The following TAC4 variants were observed in gnomAD, a reference collection of about 807,000 sequenced individuals.
The protein encoded by TAC4 is tachykinin precursor 4.
Under a neutral mutation model 17.7 loss-of-function variants are expected in TAC4, and 17 were observed. The observed-to-expected ratio is 0.96, with a 90% CI of 0.66 to 1.44. TAC4 has a LOEUF of 1.44. TAC4 is among the 40% of genes most tolerant of loss of function. The pLI is 0.00. For missense variants in TAC4, 118 were observed against 125.6 expected (o/e 0.94, Z 0.29); for synonymous variants, 62 against 52.4 (o/e 1.18, Z -0.79).
chr17:49,841,040 G>A (rs1056834914), intron 3 of TAC4, among the ~76,000 whole-genome samples: 5 of 150,354 alleles, frequency 3.3e-5, no homozygotes, highest in Admixed American at 6.6e-5. Context: ...CCACTACACC[G>A]GGCTAATGTT....
chr17:49,844,507 C>T (rs1433721995), intron 1 of TAC4, among the ~76,000 whole-genome samples: 3 of 151,640 alleles, frequency 2.0e-5, no homozygotes, highest in South Asian at 2.1e-4. Flanking sequence ...CCTGTAATCC[C>T]GGCACTCTGG....
chr17:49,842,893 A>G (rs2074509299), intron 2 of TAC4, among the ~76,000 whole-genome samples: 1 of 152,104 alleles, frequency 6.6e-6, no homozygotes. Flanking sequence ...GCTTTTTCCC[A>G]CTTAACCATG....
Position 49,839,900 on chromosome 17 carries a change from A to G in TAC4, c.242T>C (p.Leu81Pro). The change falls in exon 4 of 5, where the codon CTG becomes CCG. Residue 81 changes from leucine (L) to proline (P), a missense_variant. Physicochemically the swap from Leu to Pro is moderately conservative, Grantham distance 98 (BLOSUM62 -3). Coordinates refer to ENST00000436235, the MANE Select transcript of TAC4 (RefSeq NM_001077506.2). ...CAGGAGGCCCTGGAACGTGTGTTCC[A>G]GCTGATATGCTGGTGGTGGGAGAGA... ...IQPRRKKAYQ[L>P]EHTFQGLLGK... 1 of 1,612,110 alleles carries G rather than the reference A, an allele frequency of 6.2e-7. No individual in the cohort carries two copies. Among genetic ancestry groups the G allele is most frequent in the Non-Finnish European group, 8.5e-7 (1 of 1,179,132 alleles).
chr17:49,846,098 T>C, intron 1 of TAC4: 1 of 707,702 alleles, frequency 1.4e-6, no homozygotes, highest in Non-Finnish European at 2.0e-6. Context: ...TTTCTGTGCC[T>C]GGTGGGGGGG....
intron 3 of TAC4, 68 bp downstream of exon 3, chr17:49,841,484 T>G (rs752266099): frequency 4.1e-6 from 6 of 1,470,014 alleles, no homozygotes; most frequent in African/African-American, 1.5e-5. Context: ...CCACCTGGTT[T>G]GTTTGTGCTG....
chr17:49,845,433 A>G (rs2074530601), intron 1 of TAC4, among the ~76,000 whole-genome samples: 2 of 152,178 alleles, frequency 1.3e-5, no homozygotes, highest in South Asian at 4.1e-4. Context: ...TAGTTGAGAG[A>G]GTGACAGTGG....
chr17:49,842,932 A>G (rs554091178), intron 2 of TAC4, among the ~76,000 whole-genome samples: 16 of 152,272 alleles, frequency 1.1e-4, no homozygotes, highest in Non-Finnish European at 2.1e-4. Context: ...ACATCTTTCT[A>G]TGGGTCTGCC....
Position 49,838,617 on chromosome 17 carries a change from T to C in TAC4, c.*25A>G. 1 of 1,613,658 alleles carries C rather than the reference T, an allele frequency of 6.2e-7. No individual in the cohort carries two copies. Among genetic ancestry groups the C allele is most frequent in the Non-Finnish European group, 8.5e-7 (1 of 1,179,828 alleles). The stretch of plus-strand genomic sequence containing the variant: ...GGTAGGAAGAAGCGGCACCGTGTCC[T>C]CTGGGAAGTCTGTGGTGGGGGCTTT... On this transcript the variant is annotated 3_prime_UTR_variant, in exon 5 of 5. Transcript: ENST00000436235.
chr17:49,847,696 C>CACACACACACACACACAG (rs1210713026), intron 1 of TAC4: 37 of 264,914 alleles, frequency 1.4e-4, no homozygotes, highest in Non-Finnish European at 2.1e-4. Context: ...CACACAGACA[C>CACACACACACACACACAG]ACACACACAC....
At chr17:49,846,214 G>A (rs781311903) in intron 1 of TAC4, 117 of 1,288,922 alleles carry the variant, frequency 9.1e-5, no homozygotes, top group Admixed American at 5.1e-4. Context: ...GATGACTACA[G>A]GTTGGGGGAG....
chr17:49,847,696 C>CACACACACACACACAG, intron 1 of TAC4: 1 of 264,908 alleles, frequency 3.8e-6, no homozygotes, highest in Non-Finnish European at 5.9e-6. Flanking sequence ...CACACAGACA[C>CACACACACACACACAG]ACACACACAC....
intron 3 of TAC4, 82 bp downstream of exon 3, chr17:49,841,470 T>G: frequency 7.0e-7 from 1 of 1,428,680 alleles, no homozygotes; most frequent in Non-Finnish European, 9.4e-7. Context: ...GCATCTCCCC[T>G]CACCCACCTG....
chr17:49,840,489 G>A (rs2074488581), intron 3 of TAC4, among the ~76,000 whole-genome samples: 1 of 151,996 alleles, frequency 6.6e-6, no homozygotes, highest in African/African-American at 2.4e-5. Context: ...GGAGGGTACA[G>A]GTTGGTTACT....
chr17:49,839,166 G>T (rs572015114), intron 4 of TAC4, among the ~76,000 whole-genome samples: 56 of 152,174 alleles, frequency 3.7e-4, no homozygotes, highest in Non-Finnish European at 4.0e-4. Flanking sequence ...TTTCAGGGGT[G>T]CTAGGGAGGC....
chr17:49,845,065 A>T (rs576632956), intron 1 of TAC4, among the ~76,000 whole-genome samples: 1 of 152,144 alleles, frequency 6.6e-6, no homozygotes. Flanking sequence ...ATAGATGAGG[A>T]GAGGGCAGCC....
At chr17:49,842,272 T>C (rs978530470) in intron 2 of TAC4, among the ~76,000 whole-genome samples, 2 of 151,914 alleles carry the variant, frequency 1.3e-5, no homozygotes, top group Admixed American at 6.6e-5. Flanking sequence ...GGCTCACACC[T>C]GTAATCCCAG....
rs2074471963 is a variant in TAC4 at position 49,838,372 on chromosome 17, C to T, written c.*270G>A. On this transcript the variant is annotated 3_prime_UTR_variant, in exon 5 of 5. Transcript: ENST00000436235. ...GATACAGAGTGTGCGAGTCTCCTCA[C>T]TGCTGTGCAGTGAGATGCCAACTCT... The T allele has an allele frequency of 1.8e-6, 1 of 561,464 alleles. No homozygotes were observed. The highest frequency in any genetic ancestry group is 3.2e-6 in the Non-Finnish European group (1 of 317,102). 34.8% of individuals were successfully genotyped at this position (561,464 alleles called of 1,614,324 possible).
At chr17:49,846,152 G>T in intron 1 of TAC4, 1 of 1,242,628 alleles carries the variant, frequency 8.0e-7, no homozygotes, top group Non-Finnish European at 1.0e-6. Context: ...CAGGACTCCT[G>T]CCCCCAGCCG....
At chr17:49,846,581 CTTATG>C (rs1327916718) in intron 1 of TAC4, among the ~76,000 whole-genome samples, 1 of 152,190 alleles carries the variant, frequency 6.6e-6, no homozygotes, top group Non-Finnish European at 1.5e-5. Flanking sequence ...CCGGCCGTCA[CTTATG>C]TTATGCTTAG....
Sources: allele counts gnomAD v4.1 joint callset (sites outside exome capture counted in the v4.1 genomes callset), GRCh38; gene constraint gnomAD v4.1.1; transcripts MANE v1.5; gene names NCBI Gene and HGNC (gene_info 2026-07-23, HGNC 2026-07-21).